Variants in DGKD observed in about 807,000 individuals in gnomAD.
DGKD encodes the protein diacylglycerol kinase delta.
Under a neutral mutation model 154.4 loss-of-function variants are expected in DGKD, and 68 were observed. The observed-to-expected ratio is 0.44, with a 90% CI of 0.36 to 0.54. DGKD has a LOEUF of 0.54. Ranked by LOEUF, DGKD falls within the 20% of genes least tolerant of loss-of-function variation. The probability of loss-of-function intolerance (pLI) is 0.00; values close to 1 mark genes in which losing one functional copy is unlikely to be tolerated. For missense variants in DGKD, 1,343 were observed against 1,593.6 expected, an observed-to-expected ratio of 0.84 and a Z score of 2.68; for synonymous variants, 693 against 638.0, an observed-to-expected ratio of 1.09 and a Z score of -1.30.
rs141358594 is a variant in DGKD, at chr2:233,390,444, A to T, written c.309A>T (p.Val103=). 93 of 1,614,044 alleles carry T rather than the reference A, an allele frequency of 5.8e-5. No homozygotes were observed. The highest frequency in any genetic ancestry group is 7.6e-5 in the Non-Finnish European group (90 of 1,180,022). Residue 103 remains valine (V), a synonymous_variant, in exon 3 of 30, where the codon GTA becomes GTT. Transcript: ENST00000264057. ...FDEVDLTDAS[V]AESSTKNVNN... ...AGGTGGATCTGACAGATGCCAGCGT[A>T]GCTGAATCCAGTACCAAAAACGTCA...
At chr2:233,403,433 G>T (rs979248162) in intron 3 of DGKD, among the ~76,000 whole-genome samples, 41 of 151,670 alleles carry the variant, frequency 2.7e-4, no homozygotes, top group African/African-American at 9.2e-4. Flanking sequence ...GGTGGTGGGC[G>T]CCTGTAATCC....
chr2:233,421,990 G>C (rs1559527037), intron 3 of DGKD, among the ~76,000 whole-genome samples: 2 of 152,214 alleles, frequency 1.3e-5, no homozygotes, highest in African/African-American at 4.8e-5. Context: ...AGGTTGGGGG[G>C]ATGGGACAAT....
rs1703879704 is a variant in DGKD, at chr2:233,394,690, C to CTTTTTTTT, written c.348+4207_348+4208insTTTTTTTT. Among the ~76,000 whole-genome samples, 23 of 83,250 alleles carry CTTTTTTTT rather than the reference C, an allele frequency of 2.8e-4. 2 individuals carry two copies. Among genetic ancestry groups the CTTTTTTTT allele is most frequent in the African/African-American group, 4.4e-4 (10 of 22,688 alleles). The allele number at this position is 83,250 out of a possible 152,430, so 54.6% of individuals were successfully genotyped here. On this transcript the variant is annotated intron_variant, in intron 3 of 29. Transcript: ENST00000264057. ...TTCCTTATTATTTTGAATTTAATTC[C>CTTTTTTTT]CTTTTTTTTTTTTTTTTTTTTTTTT... is the stretch of plus-strand genomic sequence containing the variant.
At chr2:233,431,828 T>A (rs1482425968) in intron 3 of DGKD, among the ~76,000 whole-genome samples, 3 of 152,192 alleles carry the variant, frequency 2.0e-5, no homozygotes, top group Non-Finnish European at 4.4e-5. Context: ...CAAATCAAAA[T>A]GGATTAAAGA....
chr2:233,449,517 G>A lies in DGKD; in HGVS notation c.1888+141G>A. ...CCTCTCCACCCATGTCCAGGCACCA[G>A]ACCCCCAACGAGTTCGCTTGCCCTC... On this transcript the variant is annotated intron_variant, in intron 15 of 29. Transcript: ENST00000264057. This position sits in a 1 kb window ranked among gnomAD's most constrained non-coding sequence, Gnocchi z 5.3. The A allele has an allele frequency of 2.5e-6, 3 of 1,218,688 alleles. No homozygotes were observed. The highest frequency in any genetic ancestry group is 3.3e-6 in the Non-Finnish European group (3 of 899,790). 75.5% of individuals were successfully genotyped at this position (1,218,688 alleles called of 1,614,324 possible).
Position 233,449,077 on chromosome 2 carries a change from G to A in DGKD, c.1615-26G>A. 6.4e-7 allele frequency: 1 copy of A among 1,568,476 alleles called. No homozygotes were observed. ...GACCCTGTTCTCCTGCCTCAGCTCT[G>A]CATGCCATTTCCTTTCCTTGTTCAG... On this transcript the variant is annotated intron_variant, in intron 14 of 29. Coordinates refer to ENST00000264057, the MANE Select transcript of DGKD (RefSeq NM_152879.3). This position sits in a 1 kb window ranked among gnomAD's most constrained non-coding sequence, Gnocchi z 5.3.
chr2:233,460,016 A>G (rs1203060489), intron 23 of DGKD, 125 bp downstream of exon 23: 13 of 1,448,842 alleles, frequency 9.0e-6, no homozygotes, highest in Non-Finnish European at 1.2e-5. Flanking sequence ...TTAAGACACA[A>G]TGATTAAGCT....
chr2:233,358,452 C>T (rs764021038), intron 1 of DGKD, among the ~76,000 whole-genome samples: 5 of 151,996 alleles, frequency 3.3e-5, no homozygotes, highest in South Asian at 2.1e-4. Context: ...AAAAATGCAC[C>T]GCAGTTTTAT....
rs1024311248 is a variant in DGKD at position 233,440,253 on chromosome 2, T to C, written c.1086-1634T>C. ...TGTTCCAGTTCCTGGCCTTGACCTG[T>C]CACCTCTTCTCCCGAGAGCAGGGGG... is the stretch of plus-strand genomic sequence containing the variant. On this transcript the variant is annotated intron_variant, in intron 9 of 29. Coordinates refer to ENST00000264057, the MANE Select transcript of DGKD (RefSeq NM_152879.3). This position sits in a 1 kb window ranked among gnomAD's most constrained non-coding sequence, Gnocchi z 4.9. Among the ~76,000 whole-genome samples, 2 of 152,182 alleles carry C rather than the reference T, an allele frequency of 1.3e-5. No individual in the cohort carries two copies. The highest frequency in any genetic ancestry group is 6.5e-5 in the Admixed American group (1 of 15,288).
At chr2:233,405,067 C>T (rs1274760419) in intron 3 of DGKD, among the ~76,000 whole-genome samples, 1 of 152,030 alleles carries the variant, frequency 6.6e-6, no homozygotes, top group Non-Finnish European at 1.5e-5. Context: ...ATGGATTGGC[C>T]AAATAATGGG....
rs907229925 is a variant in DGKD, at chr2:233,440,406, C to T, written c.1086-1481C>T. ...AGGCAGGGTGCGCAGGTGAGCCAGG[C>T]GGGGAGTGCAGATGCAGGGAATGGG... On this transcript the variant is annotated intron_variant, in intron 9 of 29. Transcript: ENST00000264057. The surrounding 1 kb of genome is among the most constrained non-coding windows in gnomAD (Gnocchi z 4.9). Among the ~76,000 whole-genome samples the T allele has an allele frequency of 1.7e-4, 26 of 152,278 alleles. No individual in the cohort carries two copies. The highest frequency in any genetic ancestry group is 5.5e-4 in the African/African-American group (23 of 41,556).
At chr2:233,376,094 A>G (rs1485716305) in intron 1 of DGKD, among the ~76,000 whole-genome samples, 1 of 152,154 alleles carries the variant, frequency 6.6e-6, no homozygotes, top group East Asian at 1.9e-4. Context: ...AATGAACCAC[A>G]GAGCGCATGT....
intron 10 of DGKD, among the ~76,000 whole-genome samples, chr2:233,444,654 T>C (rs2063005418): frequency 6.8e-6 from 1 of 146,280 alleles, no homozygotes; most frequent in Non-Finnish European, 1.5e-5. Flanking sequence ...CTCCATCTAG[T>C]GTGTCGGCTC....
At chr2:233,466,984 C>T in intron 27 of DGKD, 102 bp from the exon 28 acceptor site, 2 of 863,654 alleles carry the variant, frequency 2.3e-6, no homozygotes, top group Non-Finnish European at 3.9e-6. Flanking sequence ...AGCTCCCGCT[C>T]ATCTCAGCCC....
intron 11 of DGKD, among the ~76,000 whole-genome samples, chr2:233,446,187 C>T (rs2063064092): frequency 6.6e-6 from 1 of 152,246 alleles, no homozygotes; most frequent in East Asian, 1.9e-4. Context: ...ACTGTGACAC[C>T]TTCCCTGAGT....
chr2:233,454,907 T>C (rs761437979), intron 19 of DGKD, 34 bp downstream of exon 19: 1 of 1,348,668 alleles, frequency 7.4e-7, no homozygotes. Context: ...GTCTGTCTTT[T>C]GCGTCTTTGT....
rs761907831 is a variant in DGKD, at chr2:233,460,286, C to G, written c.2922C>G (p.Ser974=). The G allele has an allele frequency of 7.4e-6, 12 of 1,613,864 alleles. No homozygotes were observed. Among genetic ancestry groups the G allele is most frequent in the Non-Finnish European group, 1.0e-5 (12 of 1,179,986 alleles). Residue 974 remains serine (S), a synonymous_variant, in exon 24 of 30, where the codon TCC becomes TCG. Coordinates refer to ENST00000264057, the MANE Select transcript of DGKD (RefSeq NM_152879.3). ...GTTCCCTGCACCCGGAGATGCTGTC[C>G]GAGGAGGAGGCCACCCAGATGGACC... ...PSCSLHPEML[S]EEEATQMDQF... is the part of the protein sequence containing the mutation.
At chr2:233,379,629 GATGAAATCCTCCCGTTGAGA>G (rs1455722675) in intron 1 of DGKD, among the ~76,000 whole-genome samples, 1 of 152,184 alleles carries the variant, frequency 6.6e-6, no homozygotes, top group Non-Finnish European at 1.5e-5. Flanking sequence ...TGGCAGTTGG[GATGAAATCCTCCCGTTGAGA>G]GAATTGTGGC....
At position 233,458,633 on chromosome 2, in the gene DGKD, A is replaced by G. The variant is rs577349130; in HGVS notation, c.2694+236A>G. Among the ~76,000 whole-genome samples, 2 of 145,592 alleles carry G rather than the reference A, an allele frequency of 1.4e-5. No homozygotes were observed. The highest frequency in any genetic ancestry group is 3.0e-5 in the Non-Finnish European group (2 of 66,574). On this transcript the variant is annotated intron_variant, in intron 22 of 29. Transcript: ENST00000264057. This position sits in a 1 kb window ranked among gnomAD's most constrained non-coding sequence, Gnocchi z 6.6. ...TTTAATTTTTTTTTTTTTTTTTGAG[A>G]CAGAGTCTTGCTCTGTTGCCCAGGC...
Sources: allele counts gnomAD v4.1 joint callset (sites outside exome capture counted in the v4.1 genomes callset), GRCh38; gene constraint gnomAD v4.1.1; non-coding constraint Gnocchi (gnomAD v3.1); transcripts MANE v1.5; gene names NCBI Gene and HGNC (gene_info 2026-07-23, HGNC 2026-07-21).